The following NTN4 variants were observed in gnomAD, a reference collection of about 807,000 sequenced individuals.
NTN4 encodes netrin-4.
In NTN4, 32 loss-of-function variants were observed where a neutral mutation model predicts 73.6. The ratio of observed to expected loss-of-function variants is 0.44; its 90% CI spans 0.33 to 0.58. The LOEUF is 0.58. Ranked by LOEUF, NTN4 falls within the 20% of genes least tolerant of loss-of-function variation. The probability of loss-of-function intolerance (pLI) is 0.04; values close to 1 mark genes in which losing one functional copy is unlikely to be tolerated. For synonymous variants in NTN4, 258 were observed against 287.5 expected, an observed-to-expected ratio of 0.90 and a Z score of 1.04; for missense variants, 654 against 798.3, an observed-to-expected ratio of 0.82 and a Z score of 2.18.
chr12:95,740,442 T>C (rs1432807557), intron 2 of NTN4, among the ~76,000 whole-genome samples: 2 of 152,194 alleles, frequency 1.3e-5, no homozygotes, highest in East Asian at 3.8e-4. Flanking sequence ...TACAACTGCC[T>C]CTTAATACAC....
intron 5 of NTN4, among the ~76,000 whole-genome samples, chr12:95,699,528 G>C (rs1335422080): frequency 2.6e-5 from 4 of 151,942 alleles, no homozygotes; most frequent in Non-Finnish European, 5.9e-5. Context: ...TATTTGAGTA[G>C]AATGTGAAGA....
At chr12:95,747,156 A>T (rs2078868529) in intron 2 of NTN4, among the ~76,000 whole-genome samples, 2 of 150,504 alleles carry the variant, frequency 1.3e-5, no homozygotes, top group Non-Finnish European at 3.0e-5. Context: ...ATGAAAAATC[A>T]ATAAAATATG....
chr12:95,774,890 T>C (rs896518768), intron 2 of NTN4, among the ~76,000 whole-genome samples: 9 of 152,230 alleles, frequency 5.9e-5, no homozygotes, highest in South Asian at 2.1e-4. Context: ...GGAATGTGTA[T>C]AGTTTTTGTA....
chr12:95,764,626 C>A (rs2121253528), intron 2 of NTN4, among the ~76,000 whole-genome samples: 1 of 150,906 alleles, frequency 6.6e-6, no homozygotes, highest in African/African-American at 2.4e-5. Flanking sequence ...GATTGCACCA[C>A]TGCACTCCAG....
intron 3 of NTN4, among the ~76,000 whole-genome samples, chr12:95,726,632 G>T (rs989553568): frequency 6.6e-6 from 1 of 152,026 alleles, no homozygotes; most frequent in Admixed American, 6.6e-5. Flanking sequence ...TATACTGAGG[G>T]GTAGAATTGC....
At chr12:95,684,449 C>T (rs538334775) in intron 5 of NTN4, among the ~76,000 whole-genome samples, 100 of 151,998 alleles carry the variant, frequency 6.6e-4, no homozygotes, top group African/African-American at 2.2e-3. Flanking sequence ...CAAGCCGGCA[C>T]CATCATACCT....
At chr12:95,717,364 T>C (rs2078614213) in intron 3 of NTN4, among the ~76,000 whole-genome samples, 1 of 152,152 alleles carries the variant, frequency 6.6e-6, no homozygotes, top group Non-Finnish European at 1.5e-5. Flanking sequence ...CAAGATAATG[T>C]TGGACAAGTC....
chr12:95,728,869 T>C (rs2121143473), intron 3 of NTN4, among the ~76,000 whole-genome samples: 1 of 152,302 alleles, frequency 6.6e-6, no homozygotes, highest in African/African-American at 2.4e-5. Flanking sequence ...GGCACTGCCC[T>C]CAGGATAGTG....
intron 5 of NTN4, among the ~76,000 whole-genome samples, chr12:95,686,455 C>G (rs2078361631): frequency 6.6e-6 from 1 of 152,030 alleles, no homozygotes; most frequent in African/African-American, 2.4e-5. Flanking sequence ...TAGGAGTTTG[C>G]AAGTTGAAAA....
chr12:95,661,196 T>G (rs1372564472), intron 9 of NTN4, among the ~76,000 whole-genome samples: 1 of 152,202 alleles, frequency 6.6e-6, no homozygotes, highest in Non-Finnish European at 1.5e-5. Flanking sequence ...TTAAAACCAT[T>G]TCTTACTTTG....
At chr12:95,671,889 C>T (rs1233941169) in intron 7 of NTN4, among the ~76,000 whole-genome samples, 1 of 152,114 alleles carries the variant, frequency 6.6e-6, no homozygotes, top group African/African-American at 2.4e-5. Flanking sequence ...CACTGCATTT[C>T]ATAGGCATTG....
In NTN4 at chr12:95,790,298, G is replaced by A. The variant is rs1438992685; in HGVS notation, c.12C>T (p.Cys4=). ...AGCCCCAGAGCAGCAGCAGCCGCGC[G>A]CAGCTCCCCATGGCCGGGAGGAGCC... MGS[C]ARLLLLWGCT... Residue 4 remains cysteine (C), a synonymous_variant, in exon 1 of 10, where the codon TGC becomes TGT. Coordinates refer to ENST00000343702, the MANE Select transcript of NTN4 (RefSeq NM_021229.4). The surrounding 1 kb of genome is among the most constrained non-coding windows in gnomAD (Gnocchi z 6.5). The A allele has an allele frequency of 1.3e-6, 2 of 1,532,202 alleles. No homozygotes were observed. The highest frequency in any genetic ancestry group is 1.4e-5 in the African/African-American group (1 of 70,218). The allele number at this position is 1,532,202 out of a possible 1,614,324, so 94.9% of individuals were successfully genotyped here.
At chr12:95,718,202 T>C (rs537774512) in intron 3 of NTN4, among the ~76,000 whole-genome samples, 1 of 152,184 alleles carries the variant, frequency 6.6e-6, no homozygotes, top group Non-Finnish European at 1.5e-5. Flanking sequence ...AGAATTTAGG[T>C]CAGGGGGAGG....
Position 95,740,587 on chromosome 12 carries a change from T to A in NTN4, c.586-2443A>T, listed in dbSNP as rs1430854178. Among the ~76,000 whole-genome samples, 4 of 152,312 alleles carry A rather than the reference T, an allele frequency of 2.6e-5. No homozygotes were observed. In the East Asian group the frequency reaches 5.8e-4, roughly 22 times the overall value. The stretch of plus-strand genomic sequence containing the variant: ...ATGATCTCATTTTTTAATTAAGAAC[T>A]TTTATTATGTTTTGGTGGTTAATAT... On this transcript the variant is annotated intron_variant, in intron 2 of 9. Coordinates refer to ENST00000343702, the MANE Select transcript of NTN4 (RefSeq NM_021229.4).
chr12:95,788,565 A>C (rs1261946017), intron 1 of NTN4, among the ~76,000 whole-genome samples: 2 of 152,200 alleles, frequency 1.3e-5, no homozygotes, highest in East Asian at 3.8e-4. Flanking sequence ...ATTCTGGCTA[A>C]TTGAATGTTT....
At chr12:95,735,903 ATTTTTATT>A (rs200520271) in intron 3 of NTN4, among the ~76,000 whole-genome samples, 29,335 of 141,356 alleles carry the variant, frequency 0.21, 3,475 homozygotes, top group Non-Finnish European at 0.28. Context: ...TTTTTTTTAA[ATTTTTATT>A]TATTTATTTA....
intron 2 of NTN4, among the ~76,000 whole-genome samples, chr12:95,754,472 GC>G (rs2078933383): frequency 1.3e-5 from 2 of 152,034 alleles, no homozygotes; most frequent in Admixed American, 1.3e-4. Context: ...AGGCCTCTGA[GC>G]CCAAGCCAAG....
intron 4 of NTN4, among the ~76,000 whole-genome samples, chr12:95,712,661 G>C (rs2078572471): frequency 6.6e-6 from 1 of 152,072 alleles, no homozygotes; most frequent in Non-Finnish European, 1.5e-5. Flanking sequence ...GAGTTCAGTG[G>C]CGTGATCTCG....
Position 95,787,435 on chromosome 12 carries a change from C to T in NTN4, c.89G>A (p.Cys30Tyr). Residue 30 changes from cysteine (C) to tyrosine (Y), a missense_variant, in exon 2 of 10, where the codon TGT (cysteine) becomes TAT (tyrosine). Coordinates refer to ENST00000343702, the MANE Select transcript of NTN4 (RefSeq NM_021229.4). ...CATCCGAGGGTTGCAGGCTTTTTCA[C>T]AGCGGGAACTCACTCCAGCTACTCC... ...LSGVAGVSSR[C>Y]EKACNPRMGN... is the part of the protein sequence containing the mutation. 1.9e-6 allele frequency: 3 copies of T among 1,614,178 alleles called. No individual in the cohort carries two copies. Among genetic ancestry groups the T allele is most frequent in the Non-Finnish European group, 2.5e-6 (3 of 1,180,040 alleles).
Sources: gnomAD v4.1 joint callset for allele counts (sites outside exome capture counted in the v4.1 genomes callset) on GRCh38, gnomAD v4.1.1 for gene constraint, Gnocchi (gnomAD v3.1) non-coding constraint, MANE v1.5 for transcripts, NCBI Gene and HGNC (gene_info 2026-07-23, HGNC 2026-07-21) for gene names.